Variants in UBA52 observed in about 807,000 individuals in gnomAD.
The protein encoded by UBA52 is ubiquitin-ribosomal protein eL40 fusion protein.
Under a neutral mutation model 15.3 loss-of-function variants are expected in UBA52, and 1 was observed. That is an observed-to-expected ratio of 0.07 (90% confidence interval 0.02 to 0.31). The LOEUF is 0.31. Among genes scored for constraint, UBA52 ranks in the 10% least tolerant of loss-of-function variants. The pLI is 1.00. For missense variants in UBA52, 87 were observed against 168.0 expected (o/e 0.52, Z 2.66); for synonymous variants, 50 against 58.3 (o/e 0.86, Z 0.65).
chr19:18,565,229 A>G, the UBA52 span: 3 of 1,088,150 alleles, frequency 2.8e-6, no homozygotes, highest in South Asian at 2.3e-5. Context: ...ATCGAGACAG[A>G]GTTTTTTTTT....
rs771096196 is a variant in UBA52, at chr19:18,573,649, C to T, written c.104-13C>T. On this transcript the variant is annotated splice_polypyrimidine_tract_variant and intron_variant, in intron 2 of 4. Transcript: ENST00000442744. ...GTCCGCAGAGCCTCTAACTGAGCCT[C>T]CCTCCCCCTCAGGTATCCCACCTGA... is the stretch of plus-strand genomic sequence containing the variant. 9.3e-6 allele frequency: 15 copies of T among 1,613,672 alleles called. No individual in the cohort carries two copies. The highest frequency in any genetic ancestry group is 3.3e-4 in the Middle Eastern group (2 of 6,058).
In UBA52 at chr19:18,572,985, G is replaced by T. The variant is rs28367100; in HGVS notation, c.-8-308G>T. 2.5e-3 allele frequency: 3,040 copies of T among 1,206,118 alleles called. 84 individuals carry two copies. The African/African-American group carries it at 0.044, about 17-fold the overall frequency. The allele number at this position is 1,206,118 out of a possible 1,614,324, so 74.7% of individuals were successfully genotyped here. ...GGTACTTATTCCATCAGGAGATACT[G>T]ACGAGTCCTTCCGCCGCTAAACCTA... is the stretch of plus-strand genomic sequence containing the variant. On this transcript the variant is annotated intron_variant, in intron 1 of 4. Coordinates refer to ENST00000442744, the MANE Select transcript of UBA52 (RefSeq NM_001033930.3).
chr19:18,566,318 A>G, the UBA52 span, among the ~76,000 whole-genome samples: 1 of 152,080 alleles, frequency 6.6e-6, no homozygotes, highest in Non-Finnish European at 1.5e-5. Flanking sequence ...AATACAAAAA[A>G]TTAGCTGGGC....
chr19:18,565,102 G>A, the UBA52 span: 2 of 1,556,800 alleles, frequency 1.3e-6, no homozygotes, highest in Non-Finnish European at 1.7e-6. Flanking sequence ...TCACATACCA[G>A]GGTAAAGGGA....
At chr19:18,572,792 T>C in intron 1 of UBA52, 1 of 1,003,296 alleles carries the variant, frequency 1.0e-6, no homozygotes, top group Admixed American at 5.2e-5. Context: ...TGCTCCAGCT[T>C]GGAGTTAGAG....
chr19:18,565,261 G>A, the UBA52 span: 12 of 1,179,268 alleles, frequency 1.0e-5, no homozygotes, highest in South Asian at 2.0e-4. Flanking sequence ...ACGGAGTCTC[G>A]CTCTGTTGCC....
chr19:18,570,319 G>A (rs1287268150), upstream of UBA52, among the ~76,000 whole-genome samples: 5 of 151,582 alleles, frequency 3.3e-5, no homozygotes, highest in East Asian at 2.0e-4. Context: ...TCCTGCCTCC[G>A]AAGTAGCTGG....
the UBA52 span, among the ~76,000 whole-genome samples, chr19:18,564,276 C>T: frequency 6.6e-6 from 1 of 152,092 alleles, no homozygotes; most frequent in African/African-American, 2.4e-5. Flanking sequence ...CCTCCTGGCC[C>T]TATGGTGTCA....
rs1290292513 is a variant in UBA52, at chr19:18,576,970, G to A, written c.*1820G>A. 2.3e-5 allele frequency: 3 copies of A among 131,344 alleles called. No individual in the cohort carries two copies. The highest frequency in any genetic ancestry group is 2.3e-4 in the East Asian group (1 of 4,320). 8.1% of individuals were successfully genotyped at this position (131,344 alleles called of 1,614,324 possible). A position where few individuals can be genotyped will look rare whatever the true frequency, so the allele number is the denominator to read the frequency against. On this transcript the variant is annotated 3_prime_UTR_variant, in exon 5 of 5. Transcript: ENST00000442744. ...AGCGTAAGCCACAGCGCCTGGCCTTGCTACATTTTTTTTTTTTTTTTTTTT... is the reference window on the plus strand; with the variant it reads ...AGCGTAAGCCACAGCGCCTGGCCTTACTACATTTTTTTTTTTTTTTTTTTT...
chr19:18,567,067 G>A (rs1975279781), upstream of UBA52: 1 of 1,523,990 alleles, frequency 6.6e-7, no homozygotes, highest in African/African-American at 1.4e-5. Flanking sequence ...GGGGCTTGTG[G>A]CCAGCACCAG....
chr19:18,568,489 G>A (rs369232660), upstream of UBA52: 40 of 1,614,104 alleles, frequency 2.5e-5, no homozygotes, highest in Non-Finnish European at 3.3e-5. Context: ...TCAGAACAGA[G>A]CACGGGCTCA....
At chr19:18,567,123 C>A, upstream of UBA52, 2 of 1,613,916 alleles carry the variant, frequency 1.2e-6, no homozygotes, top group Non-Finnish European at 1.7e-6. Context: ...TGCCTTCTCT[C>A]CCCTGCAGGA....
chr19:18,573,119 G>A (rs1377660406), intron 1 of UBA52, 174 bp from the exon 2 acceptor site: 6 of 1,158,932 alleles, frequency 5.2e-6, no homozygotes, highest in Non-Finnish European at 7.2e-6. Context: ...GCCAGGGTGT[G>A]TGAGAAGCCT....
chr19:18,566,496 A>G, the UBA52 span, among the ~76,000 whole-genome samples: 3 of 150,776 alleles, frequency 2.0e-5, no homozygotes, highest in Non-Finnish European at 4.4e-5. Context: ...ACACATAATG[A>G]AAAGGCAGGA....
upstream of UBA52, among the ~76,000 whole-genome samples, chr19:18,567,836 C>T (rs190347930): frequency 6.6e-6 from 1 of 152,304 alleles, no homozygotes; most frequent in East Asian, 1.9e-4. Flanking sequence ...TATACCTAGC[C>T]CAGGTAGTGC....
Position 18,575,036 on chromosome 19 carries a change from AC to A in UBA52, c.294-17del. The A allele has an allele frequency of 6.2e-7, 1 of 1,613,840 alleles. No individual in the cohort carries two copies. Among genetic ancestry groups the A allele is most frequent in the Non-Finnish European group, 8.5e-7 (1 of 1,179,960 alleles). On this transcript the variant is annotated intron_variant, in intron 4 of 4. Coordinates refer to ENST00000442744, the MANE Select transcript of UBA52 (RefSeq NM_001033930.3). Reference sequence around the variant, plus strand: ...CCGGAGTCGGGGTATGCCCTCACCCACCCCTCCTGTCTCTGTGCAGGTGCTA... The same window carrying A: ...CCGGAGTCGGGGTATGCCCTCACCCACCCTCCTGTCTCTGTGCAGGTGCTA...
At position 18,574,511 on chromosome 19, in the gene UBA52, C is replaced by T. The variant is rs1249891712; in HGVS notation, c.191-359C>T. 2.6e-5 allele frequency among the ~76,000 whole-genome samples: 4 copies of T among 152,166 alleles called. No individual in the cohort carries two copies. The South Asian group carries it at 8.3e-4, about 32-fold the overall frequency. On this transcript the variant is annotated intron_variant, in intron 3 of 4. Transcript: ENST00000442744. ...TTCACTACGTTGGCCAGGCTGGTCT[C>T]TTAAAGTGCTAGGATTACAGGCGTG... is the stretch of plus-strand genomic sequence containing the variant.
chr19:18,564,980 A>G, the UBA52 span: 1 of 1,610,900 alleles, frequency 6.2e-7, no homozygotes, highest in Non-Finnish European at 8.5e-7. Flanking sequence ...GGACCCTAGT[A>G]GAGATGAAAC....
chr19:18,575,018 C>A, intron 4 of UBA52, 39 bp from the exon 5 acceptor site: 2 of 1,614,172 alleles, frequency 1.2e-6, no homozygotes, highest in Non-Finnish European at 1.7e-6. Flanking sequence ...CTGCCGGAGT[C>A]GGGGTATGCC....
Sources: allele counts gnomAD v4.1 joint callset (sites outside exome capture counted in the v4.1 genomes callset), GRCh38; gene constraint gnomAD v4.1.1; transcripts MANE v1.5; gene names NCBI Gene and HGNC (gene_info 2026-07-23, HGNC 2026-07-21).